Variants in CACNA1S observed in about 807,000 individuals in gnomAD.
CACNA1S encodes the protein calcium voltage-gated channel subunit alpha1 S, also known as voltage-dependent L-type calcium channel subunit alpha-1S.
A neutral mutation model predicts 207.4 loss-of-function variants in CACNA1S; 126 were observed. That is an observed-to-expected ratio of 0.61 (90% CI 0.53 to 0.70). The LOEUF is 0.70. Among genes scored for constraint, CACNA1S ranks in the 30% least tolerant of loss-of-function variants. CACNA1S has a pLI of 0.00. For synonymous variants in CACNA1S, 960 were observed against 932.7 expected, an observed-to-expected ratio of 1.03 and a Z score of -0.53; for missense variants, 2,349 against 2,422.8, an observed-to-expected ratio of 0.97 and a Z score of 0.64.
At chr1:201,106,469 A>C (rs1662893545) in intron 2 of CACNA1S, among the ~76,000 whole-genome samples, 1 of 152,098 alleles carries the variant, frequency 6.6e-6, no homozygotes, top group Admixed American at 6.5e-5. Context: ...TTGGCCTTCT[A>C]CAATGCGCTC....
chr1:201,042,181 G>T (rs550531685), intron 40 of CACNA1S, among the ~76,000 whole-genome samples: 4 of 152,288 alleles, frequency 2.6e-5, no homozygotes, highest in African/African-American at 9.6e-5. Context: ...CTCTCACCCA[G>T]GCTGGAGTGC....
chr1:201,081,843 TTC>T (rs367993748), intron 10 of CACNA1S, among the ~76,000 whole-genome samples: 1 of 152,182 alleles, frequency 6.6e-6, no homozygotes, highest in African/African-American at 2.4e-5. Flanking sequence ...CTCCCACTCT[TTC>T]TCTCTCTTGC....
chr1:201,094,169 C>G (rs1197201574), intron 2 of CACNA1S, 148 bp from the exon 3 acceptor site: 3 of 797,042 alleles, frequency 3.8e-6, no homozygotes, highest in Non-Finnish European at 6.3e-6. Flanking sequence ...GCCTACCCCC[C>G]CACTCCACAC....
chr1:201,076,311 G>A (rs565394436), intron 12 of CACNA1S, among the ~76,000 whole-genome samples: 7 of 152,338 alleles, frequency 4.6e-5, no homozygotes, highest in South Asian at 2.1e-4. Context: ...GAGGATCGAC[G>A]GACGATCACA....
intron 25 of CACNA1S, 114 bp from the exon 26 acceptor site, chr1:201,060,930 G>T: frequency 1.5e-6 from 2 of 1,292,690 alleles, no homozygotes; most frequent in Non-Finnish European, 2.2e-6. Context: ...AGGGGCTGTG[G>T]CTGAGGACTG....
chr1:201,108,789 C>A (rs1662992755), intron 2 of CACNA1S, among the ~76,000 whole-genome samples: 1 of 152,164 alleles, frequency 6.6e-6, no homozygotes, highest in Non-Finnish European at 1.5e-5. Flanking sequence ...GCAAATATGC[C>A]TCCTCCCTCC....
chr1:201,104,952 C>T (rs988866147), intron 2 of CACNA1S, among the ~76,000 whole-genome samples: 25 of 152,252 alleles, frequency 1.6e-4, no homozygotes, highest in African/African-American at 5.3e-4. Flanking sequence ...AATAAAAGTA[C>T]CTGCCTCATG....
chr1:201,080,559 A>G (rs1395561923), intron 10 of CACNA1S, among the ~76,000 whole-genome samples: 1 of 152,074 alleles, frequency 6.6e-6, no homozygotes, highest in Non-Finnish European at 1.5e-5. Flanking sequence ...TTTCATTCCC[A>G]TAGAAAAAGA....
chr1:201,062,016 T>C lies in CACNA1S; in HGVS notation c.2981A>G (p.Asp994Gly). 1.2e-6 allele frequency: 2 copies of C among 1,614,140 alleles called. No individual in the cohort carries two copies. Among genetic ancestry groups the C allele is most frequent in the Non-Finnish European group, 1.7e-6 (2 of 1,179,996 alleles). Residue 994 changes from aspartate to glycine, a missense_variant, in exon 24 of 44, where the codon GAC becomes GGC. Transcript: ENST00000362061. ...ELRHREWVHS[D>G]FHFDNVLSAM... ...TGAGAGCACATTGTCGAAGTGGAAG[T>C]CGCTGTGTACCCACTCGCGGTGACG...
intron 19 of CACNA1S, among the ~76,000 whole-genome samples, chr1:201,068,270 GTC>G (rs1239634095): frequency 1.0e-5 from 1 of 99,684 alleles, no homozygotes; most frequent in Non-Finnish European, 1.8e-5. Context: ...TTGAGATGGA[GTC>G]TCTCTCGTCA....
chr1:201,099,986 G>A (rs572630250), intron 2 of CACNA1S, among the ~76,000 whole-genome samples: 52 of 152,198 alleles, frequency 3.4e-4, no homozygotes, highest in African/African-American at 1.2e-3. Flanking sequence ...ACCCAGCCTC[G>A]ATTCCTGCCT....
Position 201,053,070 on chromosome 1 carries a change from T to C in CACNA1S, c.3861+139A>G. On this transcript the variant is annotated intron_variant, in intron 31 of 43. Coordinates refer to ENST00000362061, the MANE Select transcript of CACNA1S (RefSeq NM_000069.3). The surrounding 1 kb of genome is among the most constrained non-coding windows in gnomAD (Gnocchi z 5.1). ...CAGCCATCCACGATCAGGGAGGTTGTCCCTCCTTCTTTCTCACGAGCAAGG... is the reference window on the plus strand; with the variant it reads ...CAGCCATCCACGATCAGGGAGGTTGCCCCTCCTTCTTTCTCACGAGCAAGG... The C allele has an allele frequency of 1.0e-6, 1 of 981,784 alleles. No individual in the cohort carries two copies. Among genetic ancestry groups the C allele is most frequent in the Non-Finnish European group, 1.6e-6 (1 of 610,746 alleles). 60.8% of individuals were successfully genotyped at this position (981,784 alleles called of 1,614,324 possible).
At chr1:201,060,506 GTTCACTTCTGTA>G in intron 26 of CACNA1S, 140 bp downstream of exon 26, 1 of 797,498 alleles carries the variant, frequency 1.3e-6, no homozygotes, top group African/African-American at 1.7e-5. Context: ...CCTGTGCGCA[GTTCACTTCTGTA>G]TTCCATGTAG....
At chr1:201,043,160 C>G in intron 40 of CACNA1S, 121 bp downstream of exon 40, 1 of 1,327,360 alleles carries the variant, frequency 7.5e-7, no homozygotes, top group South Asian at 1.2e-5. Context: ...TGGATTGGGG[C>G]ACAAAGGCAA....
intron 24 of CACNA1S, 150 bp downstream of exon 24, chr1:201,061,794 A>T (rs978550802): frequency 3.9e-5 from 36 of 920,812 alleles, no homozygotes; most frequent in Non-Finnish European, 5.4e-5. Flanking sequence ...TGACCAGTCA[A>T]CATACCATCA....
At chr1:201,090,561 T>C (rs1662187360) in intron 5 of CACNA1S, among the ~76,000 whole-genome samples, 1 of 152,136 alleles carries the variant, frequency 6.6e-6, no homozygotes. Flanking sequence ...GTTATTCTGG[T>C]GAGTTCAATG....
rs763364263 is a variant in CACNA1S at position 201,041,581 on chromosome 1, T to C, written c.5057A>G (p.Tyr1686Cys). 2.5e-6 allele frequency: 4 copies of C among 1,612,760 alleles called. No homozygotes were observed. Among genetic ancestry groups the C allele is most frequent in the Admixed American group, 1.7e-5 (1 of 60,008 alleles). Residue 1686 changes from tyrosine (Y) to cysteine (C), a missense_variant, in exon 41 of 44, where the codon TAT becomes TGT. Transcript: ENST00000362061. ...TGTCTCTTCTGGGAACTCCCTTTCATAGTGGACACTGAAATGGAAGCAAGG... is the reference window on the plus strand; with the variant it reads ...TGTCTCTTCTGGGAACTCCCTTTCACAGTGGACACTGAAATGGAAGCAAGG... ...SNSHVFSSVH[Y>C]EREFPEETET...
Position 201,094,479 on chromosome 1 carries a change from TG to T in CACNA1S, c.259-459del, listed in dbSNP as rs1192913862. 2.6e-5 allele frequency among the ~76,000 whole-genome samples: 4 copies of T among 152,050 alleles called. No homozygotes were observed. In the East Asian group the frequency reaches 7.7e-4, roughly 29 times the overall value. On this transcript the variant is annotated intron_variant, in intron 2 of 43. Coordinates refer to ENST00000362061, the MANE Select transcript of CACNA1S (RefSeq NM_000069.3). ...ATTACTCGACTTCCAGATATTAGAA[TG>T]GGTTGAATAAATGAAGGATCTGAGG... is the stretch of plus-strand genomic sequence containing the variant.
intron 27 of CACNA1S, among the ~76,000 whole-genome samples, chr1:201,058,837 T>C (rs1660941803): frequency 6.6e-6 from 1 of 152,148 alleles, no homozygotes. Flanking sequence ...AGTGCGGAAC[T>C]GACAGGGCTG....
Sources: gnomAD v4.1 joint callset for allele counts (sites outside exome capture counted in the v4.1 genomes callset) on GRCh38, gnomAD v4.1.1 for gene constraint, Gnocchi (gnomAD v3.1) non-coding constraint, MANE v1.5 for transcripts, NCBI Gene and HGNC (gene_info 2026-07-23, HGNC 2026-07-21) for gene names.